Variants in FGFR4 observed in about 807,000 individuals in gnomAD.
FGFR4 encodes fibroblast growth factor receptor 4.
FGFR4 carries 63 observed loss-of-function variants against 89.9 expected under a neutral mutation model. The ratio of observed to expected loss-of-function variants is 0.70; its 90% CI spans 0.57 to 0.86. The LOEUF (loss-of-function observed/expected upper bound fraction) is 0.86, where lower values mean the gene tolerates loss of function less well. FGFR4 is among the 40% of genes least tolerant of loss of function. The pLI is 0.00. For synonymous variants in FGFR4, 486 were observed against 479.4 expected, an observed-to-expected ratio of 1.01 and a Z score of -0.18; for missense variants, 928 against 1,106.7, an observed-to-expected ratio of 0.84 and a Z score of 2.29.
rs760145859 is a variant in FGFR4, at chr5:177,091,728, C to T, written c.647C>T (p.Pro216Leu). Reference protein sequence around the residue: ...HWSLVMESVVPSDRGTYTCLV... With the variant: ...HWSLVMESVVLSDRGTYTCLV... ...AGTCTCGTGATGGAGAGCGTGGTGC[C>T]CTCGGACCGCGGCACATACACCTGC... The change falls in exon 6 of 18, where the codon CCC becomes CTC. Residue 216 changes from proline to leucine, a missense_variant. Physicochemically the swap from Pro to Leu is moderately conservative, Grantham distance 98. Transcript: ENST00000292408. 5.0e-6 allele frequency: 8 copies of T among 1,614,198 alleles called. No homozygotes were observed. The highest frequency in any genetic ancestry group is 1.3e-5 in the African/African-American group (1 of 75,064).
Position 177,093,876 on chromosome 5 carries a change from G to A in FGFR4, c.1519+101G>A. On this transcript the variant is annotated intron_variant, in intron 11 of 17. Coordinates refer to ENST00000292408, the MANE Select transcript of FGFR4 (RefSeq NM_213647.3). This position sits in a 1 kb window ranked among gnomAD's most constrained non-coding sequence, Gnocchi z 5.8. ...GAATCCAGGAATTCGAGGCCAGCCT[G>A]GGCAACATGGCAAGACTTCATCTCT... 7.4e-7 allele frequency: 1 copy of A among 1,343,866 alleles called. No individual in the cohort carries two copies. Among genetic ancestry groups the A allele is most frequent in the South Asian group, 1.4e-5 (1 of 72,682 alleles). The allele number at this position is 1,343,866 out of a possible 1,614,324, so 83.2% of individuals were successfully genotyped here.
intron 2 of FGFR4, 133 bp from the exon 3 acceptor site, chr5:177,090,257 G>A: frequency 7.7e-7 from 1 of 1,295,520 alleles, no homozygotes; most frequent in Non-Finnish European, 1.1e-6. Flanking sequence ...CTGTGTGGGT[G>A]TCAAGGAGTG....
rs367627821 is a variant in FGFR4 at position 177,096,854 on chromosome 5, GTCC to G, written c.2153+125_2153+127del. On this transcript the variant is annotated intron_variant, in intron 16 of 17. Coordinates refer to ENST00000292408, the MANE Select transcript of FGFR4 (RefSeq NM_213647.3). ...AGGACAACACTAACAACAACTCCTCGTCCTCCTCCTCCTCTTCCTCTTCCTCCT... is the reference window on the plus strand; with the variant it reads ...AGGACAACACTAACAACAACTCCTCGTCCTCCTCCTCTTCCTCTTCCTCCT... 251 of 1,081,782 alleles carry G rather than the reference GTCC, an allele frequency of 2.3e-4. 3 individuals carry two copies. In the African/African-American group the frequency reaches 3.6e-3, roughly 15 times the overall value. The allele number at this position is 1,081,782 out of a possible 1,614,324, so 67.0% of individuals were successfully genotyped here.
chr5:177,090,146 G>GTGTT (rs768610964), intron 2 of FGFR4: 41 of 690,188 alleles, frequency 5.9e-5, no homozygotes, highest in Middle Eastern at 2.4e-4. Context: ...GTGTGTGTGT[G>GTGTT]TGTGTGTGTC....
chr5:177,097,243 C>T (rs1784636972), intron 16 of FGFR4, 49 bp from the exon 17 acceptor site: 1 of 1,479,984 alleles, frequency 6.8e-7, no homozygotes, highest in Non-Finnish European at 9.1e-7. Flanking sequence ...CCTCCCCTTC[C>T]TCCTGAAGGC....
Position 177,095,514 on chromosome 5 carries a change from C to T in FGFR4, c.1631-19C>T. 6.2e-7 allele frequency: 1 copy of T among 1,611,710 alleles called. No homozygotes were observed. The highest frequency in any genetic ancestry group is 8.5e-7 in the Non-Finnish European group (1 of 1,178,780). On this transcript the variant is annotated intron_variant, in intron 12 of 17. Coordinates refer to ENST00000292408, the MANE Select transcript of FGFR4 (RefSeq NM_213647.3). The surrounding 1 kb of genome is among the most constrained non-coding windows in gnomAD (Gnocchi z 5.7). ...AAAGCTTTGGCAGCCTCTCCACGCTCCCTCCACTCCCTCTGCAGGGCCCCT... is the reference window on the plus strand; with the variant it reads ...AAAGCTTTGGCAGCCTCTCCACGCTTCCTCCACTCCCTCTGCAGGGCCCCT...
chr5:177,097,537 T>G lies in FGFR4; in HGVS notation c.2270T>G (p.Leu757Arg), dbSNP rs955680763. 6.2e-7 allele frequency: 1 copy of G among 1,613,310 alleles called. No homozygotes were observed. The highest frequency in any genetic ancestry group is 8.5e-7 in the Non-Finnish European group (1 of 1,179,702). ...CTCCGTTCCCCACAGTACCTCGACC[T>G]CCGCCTGACCTTCGGACCCTATTCC... is the stretch of plus-strand genomic sequence containing the variant. ...LLAVSEEYLD[L>R]RLTFGPYSPS... is the part of the protein sequence containing the mutation. The change falls in exon 18 of 18, where the codon CTC (leucine) becomes CGC (arginine). Residue 757 changes from leucine to arginine, a missense_variant. By Grantham distance (102) the Leu-to-Arg change is moderately radical. Coordinates refer to ENST00000292408, the MANE Select transcript of FGFR4 (RefSeq NM_213647.3).
chr5:177,097,202 C>G, intron 16 of FGFR4, 90 bp from the exon 17 acceptor site: 1 of 1,075,596 alleles, frequency 9.3e-7, no homozygotes, highest in Non-Finnish European at 1.3e-6. Context: ...AACTCCCCAC[C>G]AAACTCCTCC....
At chr5:177,090,898 G>A (rs2149731563) in intron 4 of FGFR4, 40 bp from the exon 5 acceptor site, 1 of 1,614,082 alleles carries the variant, frequency 6.2e-7, no homozygotes, top group Non-Finnish European at 8.5e-7. Context: ...GCCTGTGTGG[G>A]AACACACGGT....
chr5:177,092,517 A>C lies in FGFR4; in HGVS notation c.918+6A>C, dbSNP rs1187762513. 2 of 1,572,352 alleles carry C rather than the reference A, an allele frequency of 1.3e-6. No individual in the cohort carries two copies. Among genetic ancestry groups the C allele is most frequent in the South Asian group, 2.3e-5 (2 of 86,954 alleles). On this transcript the variant is annotated splice_donor_region_variant and intron_variant, in intron 7 of 17. Transcript: ENST00000292408. ...CCTATGTGCAAGTCCTAAAGGTAAA[A>C]GGTGCACCCTGCTGCAGCCTGGGCC...
intron 14 of FGFR4, 30 bp from the exon 15 acceptor site, chr5:177,096,257 C>T: frequency 3.1e-6 from 5 of 1,613,826 alleles, no homozygotes; most frequent in Non-Finnish European, 4.2e-6. Flanking sequence ...ACCTGTGGGA[C>T]TCTGCACTGA....
chr5:177,093,960 A>C lies in FGFR4; in HGVS notation c.1519+185A>C, dbSNP rs1014603215. On this transcript the variant is annotated intron_variant, in intron 11 of 17. Transcript: ENST00000292408. This position sits in a 1 kb window ranked among gnomAD's most constrained non-coding sequence, Gnocchi z 5.8. Reference sequence around the variant, plus strand: ...GTGGTGTGTGCCTTTAGTCTCAGTTACTAGGGAGGCTGAGGCAGGAGGATC... The same window carrying C: ...GTGGTGTGTGCCTTTAGTCTCAGTTCCTAGGGAGGCTGAGGCAGGAGGATC... Among the ~76,000 whole-genome samples, 6 of 152,096 alleles carry C rather than the reference A, an allele frequency of 3.9e-5. No individual in the cohort carries two copies.
At position 177,095,555 on chromosome 5, in the gene FGFR4, G is replaced by A; in HGVS notation, c.1653G>A (p.Glu551=). ...TQEGPLYVIV[E]CAAKGNLREF... is the part of the protein sequence containing the mutation. The stretch of plus-strand genomic sequence containing the variant: ...CAGGGCCCCTGTACGTGATCGTGGA[G>A]TGCGCCGCCAAGGGAAACCTGCGGG... Residue 551 remains glutamate (E), a synonymous_variant, in exon 13 of 18, where the codon GAG becomes GAA. Transcript: ENST00000292408. The surrounding 1 kb of genome is among the most constrained non-coding windows in gnomAD (Gnocchi z 5.7). 1 of 1,610,394 alleles carries A rather than the reference G, an allele frequency of 6.2e-7. No homozygotes were observed. Among genetic ancestry groups the A allele is most frequent in the Non-Finnish European group, 8.5e-7 (1 of 1,178,506 alleles).
In FGFR4 at chr5:177,093,779, A is replaced by C. The variant is rs1171181076; in HGVS notation, c.1519+4A>C. ...GTGGCCGTCAAGATGCTCAAAGGTG[A>C]GTGTGGCCCGGTGTGGTGGCTCACA... On this transcript the variant is annotated splice_donor_region_variant and intron_variant, in intron 11 of 17. Transcript: ENST00000292408. The surrounding 1 kb of genome is among the most constrained non-coding windows in gnomAD (Gnocchi z 5.8). The C allele has an allele frequency of 6.2e-7, 1 of 1,609,988 alleles. No individual in the cohort carries two copies. The highest frequency in any genetic ancestry group is 8.5e-7 in the Non-Finnish European group (1 of 1,177,998).
Position 177,096,336 on chromosome 5 carries a change from T to C in FGFR4, c.1994T>C (p.Val665Ala). 2 of 1,613,958 alleles carry C rather than the reference T, an allele frequency of 1.2e-6. No individual in the cohort carries two copies. Among genetic ancestry groups the C allele is most frequent in the Non-Finnish European group, 1.7e-6 (2 of 1,179,990 alleles). Residue 665 changes from valine to alanine, a missense_variant, in exon 15 of 18, where the codon GTG (valine) becomes GCG (alanine). This residue lies in a region of FGFR4 where 27 missense variants were observed against 64.4 expected (regional missense o/e 0.42). Coordinates refer to ENST00000292408, the MANE Select transcript of FGFR4 (RefSeq NM_213647.3). Reference sequence around the variant, plus strand: ...GCGCCCGAGGCCTTGTTTGACCGGGTGTACACACACCAGAGTGACGTGTGA... The same window carrying C: ...GCGCCCGAGGCCTTGTTTGACCGGGCGTACACACACCAGAGTGACGTGTGA... ...WMAPEALFDR[V>A]YTHQSDVWSF...
chr5:177,097,108 C>T (rs1227151958), intron 16 of FGFR4, 184 bp from the exon 17 acceptor site: 1 of 202,718 alleles, frequency 4.9e-6, no homozygotes, highest in Admixed American at 8.0e-5. Context: ...TCCTGCTCCT[C>T]TTCCTCCTCC....
chr5:177,097,449 C>T (rs1263987723), intron 17 of FGFR4, 52 bp downstream of exon 17: 1 of 1,602,192 alleles, frequency 6.2e-7, no homozygotes. Flanking sequence ...CTCCAGGCCT[C>T]ATCTGGCCTG....
rs558020142 is a variant in FGFR4 at position 177,093,612 on chromosome 5, G to A, written c.1398-42G>A. The stretch of plus-strand genomic sequence containing the variant: ...CCGGGTTGCAGCCCGCCCTCCGCAG[G>A]AGTGACTCGGAGGTCTGAGGCTGGA... On this transcript the variant is annotated intron_variant, in intron 10 of 17. Coordinates refer to ENST00000292408, the MANE Select transcript of FGFR4 (RefSeq NM_213647.3). The surrounding 1 kb of genome is among the most constrained non-coding windows in gnomAD (Gnocchi z 5.8). 1.2e-5 allele frequency: 19 copies of A among 1,613,918 alleles called. No homozygotes were observed. In the East Asian group the frequency reaches 3.8e-4, roughly 32 times the overall value.
At position 177,096,137 on chromosome 5, in the gene FGFR4, C is replaced by G; in HGVS notation, c.1902C>G (p.Ala634=). 2 of 1,614,154 alleles carry G rather than the reference C, an allele frequency of 1.2e-6. No individual in the cohort carries two copies. Among genetic ancestry groups the G allele is most frequent in the Non-Finnish European group, 1.7e-6 (2 of 1,180,008 alleles). ...TGAAGATTGCTGACTTTGGGCTGGCCCGCGGCGTCCACCACATTGACTACT... is the reference window on the plus strand; with the variant it reads ...TGAAGATTGCTGACTTTGGGCTGGCGCGCGGCGTCCACCACATTGACTACT... ...NVMKIADFGL[A]RGVHHIDYYK... is the part of the protein sequence containing the mutation. The change falls in exon 14 of 18, where the codon GCC becomes GCG. Residue 634 remains alanine, a synonymous_variant. Transcript: ENST00000292408.
Sources: gnomAD v4.1 joint callset for allele counts (sites outside exome capture counted in the v4.1 genomes callset) on GRCh38, gnomAD v4.1.1 for gene constraint, gnomAD v4.1.1 regional missense constraint, Gnocchi (gnomAD v3.1) non-coding constraint, MANE v1.5 for transcripts, NCBI Gene and HGNC (gene_info 2026-07-23, HGNC 2026-07-21) for gene names.